ST6GALNAC3: variants seen among roughly 807,000 people sequenced by gnomAD.
The protein encoded by ST6GALNAC3 is alpha-N-acetylgalactosaminide alpha-2,6-sialyltransferase 3.
In ST6GALNAC3, 25 loss-of-function variants were observed where a neutral mutation model predicts 32.7. The observed-to-expected ratio is 0.76, with a 90% CI of 0.56 to 1.07. The LOEUF is 1.07. Among genes scored for constraint, ST6GALNAC3 ranks in the 50% least tolerant of loss-of-function variants. ST6GALNAC3 has a pLI of 0.00. For missense variants in ST6GALNAC3, 355 were observed against 382.4 expected, an observed-to-expected ratio of 0.93 and a Z score of 0.60; for synonymous variants, 129 against 133.1, an observed-to-expected ratio of 0.97 and a Z score of 0.21.
chr1:76,187,193 A>T (rs1442125959), intron 1 of ST6GALNAC3, among the ~76,000 whole-genome samples: 1 of 152,222 alleles, frequency 6.6e-6, no homozygotes, highest in African/African-American at 2.4e-5. Flanking sequence ...GAAATAAATT[A>T]CTGCCTTCAT....
chr1:76,110,585 G>A (rs1469762198), intron 1 of ST6GALNAC3, among the ~76,000 whole-genome samples: 2 of 152,216 alleles, frequency 1.3e-5, no homozygotes, highest in African/African-American at 4.8e-5. Flanking sequence ...GTTGTATTAG[G>A]TGATCACCAG....
intron 1 of ST6GALNAC3, among the ~76,000 whole-genome samples, chr1:76,086,281 A>G (rs1646963549): frequency 6.6e-6 from 1 of 152,206 alleles, no homozygotes; most frequent in African/African-American, 2.4e-5. Context: ...TATCTTAATT[A>G]CTGGGTTAGT....
chr1:76,201,059 A>T (rs1654488421), intron 1 of ST6GALNAC3, among the ~76,000 whole-genome samples: 1 of 152,178 alleles, frequency 6.6e-6, no homozygotes, highest in South Asian at 2.1e-4. Flanking sequence ...CAGTGTGAAA[A>T]AAAAAGAAGG....
At chr1:76,557,637 C>G (rs1665006085) in intron 3 of ST6GALNAC3, among the ~76,000 whole-genome samples, 1 of 152,032 alleles carries the variant, frequency 6.6e-6, no homozygotes, top group African/African-American at 2.4e-5. Context: ...GAAAGGTTGT[C>G]TTGCCATAGT....
At chr1:76,481,546 G>A (rs11162164) in intron 3 of ST6GALNAC3, among the ~76,000 whole-genome samples, 1 of 151,976 alleles carries the variant, frequency 6.6e-6, no homozygotes, top group Non-Finnish European at 1.5e-5. Flanking sequence ...TCCACATTCT[G>A]GAGTTTCTTT....
chr1:76,376,346 G>A (rs1435491971), intron 2 of ST6GALNAC3, among the ~76,000 whole-genome samples: 1 of 152,048 alleles, frequency 6.6e-6, no homozygotes, highest in African/African-American at 2.4e-5. Context: ...CATGTTTAAT[G>A]CTATATAATT....
chr1:76,495,607 C>T (rs1660803771), intron 3 of ST6GALNAC3, among the ~76,000 whole-genome samples: 4 of 152,000 alleles, frequency 2.6e-5, no homozygotes, highest in African/African-American at 9.7e-5. Flanking sequence ...TAAATATAAC[C>T]TTTTTTTCTT....
intron 2 of ST6GALNAC3, among the ~76,000 whole-genome samples, chr1:76,380,878 A>G (rs1399427091): frequency 6.6e-6 from 1 of 152,234 alleles, no homozygotes; most frequent in Non-Finnish European, 1.5e-5. Flanking sequence ...AGAATAAGGT[A>G]CTGGGTAATG....
At chr1:76,353,947 A>T (rs964116080) in intron 2 of ST6GALNAC3, 7 of 183,730 alleles carry the variant, frequency 3.8e-5, no homozygotes, top group African/African-American at 1.6e-4. Flanking sequence ...AGGGATTCTA[A>T]ACAGCACACC....
intron 2 of ST6GALNAC3, among the ~76,000 whole-genome samples, chr1:76,386,840 T>G (rs1365095230): frequency 7.2e-5 from 11 of 152,208 alleles, no homozygotes; most frequent in Non-Finnish European, 1.5e-5. Context: ...AAAGAAAATC[T>G]TATCTTTTCA....
chr1:76,463,285 A>G (rs1348189756), intron 3 of ST6GALNAC3, among the ~76,000 whole-genome samples: 2 of 152,298 alleles, frequency 1.3e-5, no homozygotes, highest in Non-Finnish European at 2.9e-5. Flanking sequence ...CGGGGGCTAC[A>G]TTTATATCAG....
At chr1:76,343,017 G>A (rs1252665511) in intron 2 of ST6GALNAC3, among the ~76,000 whole-genome samples, 1 of 151,998 alleles carries the variant, frequency 6.6e-6, no homozygotes, top group Admixed American at 6.6e-5. Flanking sequence ...CTCTCATTTT[G>A]TAGGTCGTCT....
At chr1:76,239,563 A>C (rs1056705597) in intron 1 of ST6GALNAC3, among the ~76,000 whole-genome samples, 1 of 152,018 alleles carries the variant, frequency 6.6e-6, no homozygotes, top group Non-Finnish European at 1.5e-5. Context: ...GGGGGAAGGG[A>C]GAAGATGCCA....
At chr1:76,218,253 A>G (rs1272616000) in intron 1 of ST6GALNAC3, among the ~76,000 whole-genome samples, 3 of 152,120 alleles carry the variant, frequency 2.0e-5, no homozygotes, top group African/African-American at 4.8e-5. Context: ...TTGGGGCTGG[A>G]TATGGATCTG....
intron 1 of ST6GALNAC3, among the ~76,000 whole-genome samples, chr1:76,124,447 C>T (rs1447302328): frequency 6.6e-6 from 1 of 152,116 alleles, no homozygotes; most frequent in African/African-American, 2.4e-5. Flanking sequence ...TGCAGTCCTC[C>T]CTACCTGACC....
Position 76,407,682 on chromosome 1 carries a change from G to GA in ST6GALNAC3, c.214-4315dup, listed in dbSNP as rs1031893490. 3.2e-3 allele frequency among the ~76,000 whole-genome samples: 461 copies of GA among 142,594 alleles called. 1 individual carries two copies. Among genetic ancestry groups the GA allele is most frequent in the African/African-American group, 0.01 (406 of 38,678 alleles). The allele number at this position is 142,594 out of a possible 152,430, so 93.5% of individuals were successfully genotyped here. A position where few individuals can be genotyped will look rare whatever the true frequency, so the allele number is the denominator to read the frequency against. On this transcript the variant is annotated intron_variant, in intron 2 of 4. Transcript: ENST00000328299. ...TGAAGAAGACAAGTTTGTTTTTAAT[G>GA]AAAAAAAAAAAGCAAAAAATAGAGA...
intron 1 of ST6GALNAC3, among the ~76,000 whole-genome samples, chr1:76,122,684 T>A (rs11162083): frequency 0.23 from 35,193 of 152,116 alleles, 4,968 homozygotes; most frequent in Admixed American, 0.32. Flanking sequence ...TGGGTAAGTT[T>A]AATATGGGGG....
intron 1 of ST6GALNAC3, among the ~76,000 whole-genome samples, chr1:76,188,387 G>A (rs1653698880): frequency 6.6e-6 from 1 of 152,206 alleles, no homozygotes; most frequent in Admixed American, 6.5e-5. Flanking sequence ...TATGTATTTA[G>A]TAGGTAAGGG....
At chr1:76,409,891 G>GC (rs1416164682) in intron 2 of ST6GALNAC3, among the ~76,000 whole-genome samples, 1 of 152,088 alleles carries the variant, frequency 6.6e-6, no homozygotes, top group African/African-American at 2.4e-5. Context: ...GGGGGAAAAA[G>GC]TTTTTAAAGC....
Sources: allele counts gnomAD v4.1 joint callset (sites outside exome capture counted in the v4.1 genomes callset), GRCh38; gene constraint gnomAD v4.1.1; transcripts MANE v1.5; gene names NCBI Gene and HGNC (gene_info 2026-07-23, HGNC 2026-07-21).